The following RALYL variants were observed in gnomAD, a reference collection of about 807,000 sequenced individuals.
RALYL encodes RNA-binding Raly-like protein.
In RALYL, 29 loss-of-function variants were observed where a neutral mutation model predicts 35.1. The ratio of observed to expected loss-of-function variants is 0.83; its 90% CI spans 0.61 to 1.13. The LOEUF (loss-of-function observed/expected upper bound fraction) is 1.13, where lower values mean the gene tolerates loss of function less well. Ranked by LOEUF, RALYL falls within the 50% of genes most tolerant of loss-of-function variation. The pLI is 0.00. For synonymous variants in RALYL, 120 were observed against 127.6 expected, an observed-to-expected ratio of 0.94 and a Z score of 0.40; for missense variants, 359 against 360.4, an observed-to-expected ratio of 1.00 and a Z score of 0.03.
chr8:84,784,625 TGTTG>T (rs1306438076), intron 3 of RALYL, among the ~76,000 whole-genome samples: 1 of 152,182 alleles, frequency 6.6e-6, no homozygotes, highest in African/African-American at 2.4e-5. Flanking sequence ...GTTTTTTAAG[TGTTG>T]GTTGGTTTTA....
intron 2 of RALYL, among the ~76,000 whole-genome samples, chr8:84,638,243 A>G (rs915015974): frequency 6.6e-6 from 1 of 151,940 alleles, no homozygotes; most frequent in East Asian, 1.9e-4. Context: ...GATGGAAATT[A>G]AAAAATTCTT....
intron 2 of RALYL, among the ~76,000 whole-genome samples, chr8:84,536,112 T>C (rs1395605775): frequency 6.6e-6 from 1 of 152,214 alleles, no homozygotes; most frequent in Non-Finnish European, 1.5e-5. Context: ...TACCCACTTA[T>C]ATCACCAGTT....
intron 2 of RALYL, among the ~76,000 whole-genome samples, chr8:84,536,330 A>G: frequency 6.6e-6 from 1 of 152,240 alleles, no homozygotes; most frequent in East Asian, 1.9e-4. Context: ...TATATTATTC[A>G]ACAACAACAC....
intron 2 of RALYL, among the ~76,000 whole-genome samples, chr8:84,578,867 G>A (rs761338354): frequency 6.6e-6 from 1 of 152,326 alleles, no homozygotes; most frequent in East Asian, 1.9e-4. Context: ...AGTGCATGCT[G>A]ATTGGTCCAT....
chr8:84,765,847 A>G (rs995330693), intron 2 of RALYL, among the ~76,000 whole-genome samples: 4 of 151,872 alleles, frequency 2.6e-5, no homozygotes, highest in South Asian at 4.1e-4. Context: ...GGAAAAAAAA[A>G]AAACCCTAAG....
rs372133191 is a variant in RALYL at position 84,412,208 on chromosome 8, A to C, written c.-23-117091A>C. 1.5e-3 allele frequency among the ~76,000 whole-genome samples: 229 copies of C among 152,068 alleles called. 2 individuals are homozygous for C. The highest frequency in any genetic ancestry group is 4.5e-3 in the African/African-American group (186 of 41,546). On this transcript the variant is annotated intron_variant, in intron 1 of 8. Transcript: ENST00000521268. ...AAAAAAATACAAAGATACAAATCAA[A>C]GTACAAATTATATTAAAAGCTATGA...
Position 84,732,125 on chromosome 8 carries a change from C to T in RALYL, c.257-42454C>T, listed in dbSNP as rs181914907. On this transcript the variant is annotated intron_variant, in intron 2 of 8. Coordinates refer to ENST00000521268, the MANE Select transcript of RALYL (RefSeq NM_173848.7). ...TGTGCTTTTCCTGTGGAATCCTTATCCCTTTCATACATATATATTAATAAG... is the reference window on the plus strand; with the variant it reads ...TGTGCTTTTCCTGTGGAATCCTTATTCCTTTCATACATATATATTAATAAG... Among the ~76,000 whole-genome samples the T allele has an allele frequency of 3.8e-4, 58 of 152,232 alleles. 1 individual carries two copies. Among genetic ancestry groups the T allele is most frequent in the Admixed American group, 3.7e-3 (56 of 15,264 alleles).
intron 1 of RALYL, among the ~76,000 whole-genome samples, chr8:84,316,802 A>G (rs975937312): frequency 1.3e-5 from 2 of 152,136 alleles, no homozygotes; most frequent in Non-Finnish European, 2.9e-5. Context: ...GAGGTTTTCT[A>G]TTTTAGCAGA....
At position 84,917,652 on chromosome 8, in the gene RALYL, A is replaced by G. The variant is rs138055151; in HGVS notation, c.859-3242A>G. 7.9e-5 allele frequency among the ~76,000 whole-genome samples: 12 copies of G among 151,556 alleles called. No individual in the cohort carries two copies. The East Asian group carries it at 2.3e-3, about 29-fold the overall frequency. On this transcript the variant is annotated intron_variant, in intron 8 of 8. Transcript: ENST00000521268. ...TCACTGTCCTATACTCTAAATGGCCATCAACTCAGGAATAGAGATTATTCA... is the reference window on the plus strand; with the variant it reads ...TCACTGTCCTATACTCTAAATGGCCGTCAACTCAGGAATAGAGATTATTCA...
intron 1 of RALYL, among the ~76,000 whole-genome samples, chr8:84,227,358 C>CA (rs113864361): frequency 0.29 from 43,611 of 151,038 alleles, 7,483 homozygotes; most frequent in African/African-American, 0.47. Context: ...ACGTCTGGCA[C>CA]AAAAAAAATG....
intron 2 of RALYL, chr8:84,679,362 A>G (rs900962394): frequency 1.1e-4 from 28 of 266,448 alleles, no homozygotes; most frequent in Non-Finnish European, 1.9e-4. Flanking sequence ...AGTAGTTGAA[A>G]CCCCACTACT....
rs1031452571 is a variant in RALYL, at chr8:84,185,091, T to C, written c.-24+667T>C. On this transcript the variant is annotated intron_variant, in intron 1 of 8. Transcript: ENST00000521268. ...GGATGCTGTCTTTGGATCTTTTTTT[T>C]CCCTGTTGTGTTGCGTTGGTTTTAA... The C allele has an allele frequency of 1.7e-5, 26 of 1,511,712 alleles. 1 individual carries two copies. The highest frequency in any genetic ancestry group is 5.5e-5 in the African/African-American group (4 of 72,784). The allele number at this position is 1,511,712 out of a possible 1,614,324, so 93.6% of individuals were successfully genotyped here. A position where few individuals can be genotyped will look rare whatever the true frequency, so the allele number is the denominator to read the frequency against.
At chr8:84,233,980 G>C (rs950788054) in intron 1 of RALYL, among the ~76,000 whole-genome samples, 2 of 152,106 alleles carry the variant, frequency 1.3e-5, no homozygotes, top group Non-Finnish European at 2.9e-5. Context: ...GAGCTTTTCA[G>C]TCTCATTTGT....
chr8:84,277,180 T>C (rs1226332382), intron 1 of RALYL, among the ~76,000 whole-genome samples: 1 of 152,246 alleles, frequency 6.6e-6, no homozygotes, highest in Non-Finnish European at 1.5e-5. Flanking sequence ...TTTAATGGTC[T>C]TACAGTTCCA....
intron 1 of RALYL, among the ~76,000 whole-genome samples, chr8:84,216,816 G>A (rs143683593): frequency 7.3e-4 from 111 of 152,126 alleles, no homozygotes; most frequent in African/African-American, 2.4e-3. Flanking sequence ...AGCTACATAT[G>A]GCCAGTGGCT....
At chr8:84,251,052 A>T (rs1277049517) in intron 1 of RALYL, among the ~76,000 whole-genome samples, 1 of 152,166 alleles carries the variant, frequency 6.6e-6, no homozygotes, top group African/African-American at 2.4e-5. Flanking sequence ...AGTGTTTCCA[A>T]AACACAACAT....
At chr8:84,548,505 A>T (rs879280524) in intron 2 of RALYL, among the ~76,000 whole-genome samples, 3 of 151,998 alleles carry the variant, frequency 2.0e-5, no homozygotes, top group Non-Finnish European at 4.4e-5. Flanking sequence ...TGCTTTTGTC[A>T]TCTGTATGGA....
intron 1 of RALYL, among the ~76,000 whole-genome samples, chr8:84,450,028 G>C (rs55893605): frequency 0.012 from 1,795 of 151,838 alleles, 39 homozygotes; most frequent in African/African-American, 0.041. Flanking sequence ...ATGAACAAAT[G>C]AGTTATAGCA....
chr8:84,478,079 C>A (rs997401363), intron 1 of RALYL, among the ~76,000 whole-genome samples: 2 of 151,916 alleles, frequency 1.3e-5, no homozygotes, highest in African/African-American at 4.8e-5. Flanking sequence ...TTTCTTCAAG[C>A]GTGAAGTCTC....
Sources: gnomAD v4.1 joint callset for allele counts (sites outside exome capture counted in the v4.1 genomes callset) on GRCh38, gnomAD v4.1.1 for gene constraint, MANE v1.5 for transcripts, NCBI Gene and HGNC (gene_info 2026-07-23, HGNC 2026-07-21) for gene names.